Variants in CCDC57 observed in about 807,000 individuals in gnomAD.
CCDC57 encodes the protein coiled-coil domain-containing protein 57.
A neutral mutation model predicts 118.9 loss-of-function variants in CCDC57; 118 were observed. The observed-to-expected ratio is 0.99, with a 90% CI of 0.86 to 1.16. The LOEUF is 1.16. Among genes scored for constraint, CCDC57 ranks in the 50% most tolerant of loss-of-function variants. The pLI, the probability that CCDC57 is intolerant of heterozygous loss-of-function variation, is 0.00. For missense variants in CCDC57, 1,300 were observed against 1,320.7 expected (o/e 0.98, Z 0.24); for synonymous variants, 527 against 532.9 (o/e 0.99, Z 0.15).
intron 19 of CCDC57, among the ~76,000 whole-genome samples, chr17:82,105,864 T>A (rs189979145): frequency 1.3e-5 from 2 of 152,214 alleles, no homozygotes; most frequent in Non-Finnish European, 2.9e-5. Context: ...GGACATTGCA[T>A]GCTCCAGGGC....
chr17:82,123,302 T>C (rs1005770435), intron 19 of CCDC57, among the ~76,000 whole-genome samples: 3 of 148,880 alleles, frequency 2.0e-5, no homozygotes, highest in Non-Finnish European at 4.5e-5. Context: ...CCTTTTTTTT[T>C]TTTTTTTTTT....
chr17:82,205,178 G>C (rs577346617), intron 2 of CCDC57, among the ~76,000 whole-genome samples: 5 of 152,242 alleles, frequency 3.3e-5, no homozygotes, highest in African/African-American at 1.2e-4. Flanking sequence ...GAACACCACT[G>C]TGATCTCTGA....
rs914441075 is a variant in CCDC57 at position 82,118,904 on chromosome 17, C to T, written c.2899+8788G>A. On this transcript the variant is annotated intron_variant, in intron 19 of 19. Coordinates refer to ENST00000665763, the Ensembl canonical transcript of CCDC57. The surrounding 1 kb of genome is among the most constrained non-coding windows in gnomAD (Gnocchi z 4.7). ...ACTCCATTCTACTTCTGCGTATTTT[C>T]GTGGTTTGCCTTGGAGTCCCTCCCT... Among the ~76,000 whole-genome samples, 5 of 151,648 alleles carry T rather than the reference C, an allele frequency of 3.3e-5. No homozygotes were observed. The highest frequency in any genetic ancestry group is 5.9e-5 in the Non-Finnish European group (4 of 67,946).
At chr17:82,203,145 G>C (rs1189186278) in intron 2 of CCDC57, among the ~76,000 whole-genome samples, 2 of 152,202 alleles carry the variant, frequency 1.3e-5, no homozygotes, top group African/African-American at 4.8e-5. Context: ...GTTCTGGGGA[G>C]ATTTGGTCAT....
intron 16 of CCDC57, among the ~76,000 whole-genome samples, chr17:82,148,586 T>G (rs2041294381): frequency 2.8e-5 from 2 of 71,994 alleles, no homozygotes; most frequent in African/African-American, 1.1e-4. Flanking sequence ...GATGGGTGGG[T>G]GGATGGTAGA....
At chr17:82,108,631 C>G (rs1347738891) in intron 19 of CCDC57, 1 of 152,162 alleles carries the variant, frequency 6.6e-6, no homozygotes, top group African/African-American at 2.4e-5. Context: ...ATACCTTCCG[C>G]TGTCCTTCCC....
At chr17:82,145,936 C>G in intron 16 of CCDC57, 1 of 340,018 alleles carries the variant, frequency 2.9e-6, no homozygotes, top group South Asian at 2.1e-5. Context: ...GCACCTCCCC[C>G]CACAGCCATC....
At chr17:82,208,920 G>A (rs765868196) in intron 1 of CCDC57, among the ~76,000 whole-genome samples, 5 of 152,110 alleles carry the variant, frequency 3.3e-5, no homozygotes, top group Non-Finnish European at 7.3e-5. Flanking sequence ...CCAGGATGGA[G>A]TGCAGTGGCA....
exon 3 of CCDC57, chr17:82,201,837 C>T (rs1307615355): frequency 6.2e-7 from 1 of 1,613,658 alleles, no homozygotes; most frequent in Non-Finnish European, 8.5e-7. Context: ...GTGTGTCCTG[C>T]AGAGCCGCCT....
chr17:82,123,121 A>AC (rs1486888349), intron 19 of CCDC57, among the ~76,000 whole-genome samples: 1 of 110,060 alleles, frequency 9.1e-6, no homozygotes, highest in Non-Finnish European at 1.9e-5. Flanking sequence ...CCTCCTAATA[A>AC]CTTTTTTTTT....
rs773908887 is a variant in CCDC57 at position 82,201,958 on chromosome 17, G to C, written c.-8-6C>G. ...CAGTGGCAGCATGGTGGCCGCTGCA[G>C]TAAAGAGAAATCAGGTTCAGGGTGC... On this transcript the variant is annotated splice_polypyrimidine_tract_variant and splice_region_variant and intron_variant, in intron 2 of 19. Transcript: ENST00000665763. The C allele has an allele frequency of 6.3e-7, 1 of 1,577,754 alleles. No individual in the cohort carries two copies. Among genetic ancestry groups the C allele is most frequent in the Admixed American group, 1.7e-5 (1 of 57,252 alleles).
At chr17:82,110,223 C>A (rs2035149007) in intron 19 of CCDC57, among the ~76,000 whole-genome samples, 1 of 152,064 alleles carries the variant, frequency 6.6e-6, no homozygotes, top group African/African-American at 2.4e-5. Context: ...TCAAGTGATC[C>A]ACCCTCCTCG....
At chr17:82,206,937 T>C (rs1457699509) in intron 2 of CCDC57, among the ~76,000 whole-genome samples, 2 of 152,210 alleles carry the variant, frequency 1.3e-5, no homozygotes, top group African/African-American at 4.8e-5. Flanking sequence ...AGGAGGAACT[T>C]AGTTTATAGT....
At position 82,192,530 on chromosome 17, in the gene CCDC57, A is replaced by C. The variant is rs572464624; in HGVS notation, c.851+1226T>G. The stretch of plus-strand genomic sequence containing the variant: ...AAAAATGCCAGGTGTAGACTTAAAA[A>C]CACACGAAGAGAAACAGTGTTTGTC... On this transcript the variant is annotated intron_variant, in intron 7 of 19. Transcript: ENST00000665763. This position sits in a 1 kb window ranked among gnomAD's most constrained non-coding sequence, Gnocchi z 4.0. Among the ~76,000 whole-genome samples the C allele has an allele frequency of 1.3e-5, 2 of 152,250 alleles. No homozygotes were observed. The highest frequency in any genetic ancestry group is 2.1e-4 in the South Asian group (1 of 4,820).
intron 16 of CCDC57, among the ~76,000 whole-genome samples, chr17:82,137,174 T>G (rs912778233): frequency 6.6e-6 from 1 of 152,070 alleles, no homozygotes; most frequent in Non-Finnish European, 1.5e-5. Flanking sequence ...CCTGCCACCA[T>G]GCCCGGCTAA....
chr17:82,146,343 C>T (rs542888134), intron 16 of CCDC57, among the ~76,000 whole-genome samples: 1 of 152,268 alleles, frequency 6.6e-6, no homozygotes, highest in South Asian at 2.1e-4. Context: ...CTTGCCTAAA[C>T]CTTTGCAATC....
At chr17:82,136,059 T>C (rs573326278) in intron 16 of CCDC57, among the ~76,000 whole-genome samples, 33 of 152,260 alleles carry the variant, frequency 2.2e-4, no homozygotes, top group Admixed American at 6.5e-4. Context: ...GGAGGCGGTT[T>C]GGTGGCTCCT....
intron 16 of CCDC57, among the ~76,000 whole-genome samples, chr17:82,134,686 C>T (rs767407827): frequency 3.3e-5 from 5 of 151,996 alleles, no homozygotes; most frequent in Non-Finnish European, 5.9e-5. Context: ...CCCAGCTACT[C>T]GGGAGGCTGA....
chr17:82,210,950 C>A (rs1464637150), intron 1 of CCDC57, among the ~76,000 whole-genome samples: 1 of 141,740 alleles, frequency 7.1e-6, no homozygotes, highest in African/African-American at 2.7e-5. Context: ...GCCGAGATCG[C>A]GCCACTGAAC....
Sources: allele counts gnomAD v4.1 joint callset (sites outside exome capture counted in the v4.1 genomes callset), GRCh38; gene constraint gnomAD v4.1.1; non-coding constraint Gnocchi (gnomAD v3.1); transcripts MANE v1.5; gene names NCBI Gene and HGNC (gene_info 2026-07-23, HGNC 2026-07-21).